Variants in SH3BGRL2 observed in about 807,000 individuals in gnomAD.
SH3BGRL2 encodes SH3 domain binding glutamate rich protein like 2.
In SH3BGRL2, 21 loss-of-function variants were observed where a neutral mutation model predicts 14.8. The ratio of observed to expected loss-of-function variants is 1.42; its 90% CI spans 1.01 to 2.05. SH3BGRL2 has a LOEUF of 2.05. Among genes scored for constraint, SH3BGRL2 ranks in the 30% most tolerant of loss-of-function variants. The probability of loss-of-function intolerance (pLI) is 0.00; values close to 1 mark genes in which losing one functional copy is unlikely to be tolerated. For synonymous variants in SH3BGRL2, 50 were observed against 47.8 expected, an observed-to-expected ratio of 1.05 and a Z score of -0.19; for missense variants, 147 against 130.8, an observed-to-expected ratio of 1.12 and a Z score of -0.61.
intron 1 of SH3BGRL2, among the ~76,000 whole-genome samples, chr6:79,643,343 A>G (rs563093620): frequency 1.1e-3 from 160 of 152,266 alleles, no homozygotes; most frequent in African/African-American, 3.6e-3. Context: ...GGGTTGTGCT[A>G]TCGCAACAAG....
chr6:79,699,463 C>CTTTTTTTTTTTT, intron 3 of SH3BGRL2, 35 bp from the exon 4 acceptor site: 9 of 879,620 alleles, frequency 1.0e-5, no homozygotes, highest in Non-Finnish European at 1.2e-5. Context: ...CAATAACTGA[C>CTTTTTTTTTTTT]TTTTTTTTTT....
intron 2 of SH3BGRL2, among the ~76,000 whole-genome samples, chr6:79,676,276 C>T (rs1769880632): frequency 6.6e-6 from 1 of 152,070 alleles, no homozygotes; most frequent in African/African-American, 2.4e-5. Context: ...ATCCCTGAGG[C>T]CATGTTTATT....
At chr6:79,668,077 C>T (rs887142145) in intron 1 of SH3BGRL2, among the ~76,000 whole-genome samples, 6 of 152,158 alleles carry the variant, frequency 3.9e-5, no homozygotes, top group Middle Eastern at 3.2e-3. Context: ...TCCCATGGTG[C>T]AGCATCAGCT....
At chr6:79,562,139 C>G in the SH3BGRL2 span, among the ~76,000 whole-genome samples, 1 of 151,958 alleles carries the variant, frequency 6.6e-6, no homozygotes, top group Non-Finnish European at 1.5e-5. Flanking sequence ...GTTTCTGTAC[C>G]TTCTCACAAA....
chr6:79,648,463 C>T (rs1376160157), intron 1 of SH3BGRL2, among the ~76,000 whole-genome samples: 1 of 150,944 alleles, frequency 6.6e-6, no homozygotes, highest in Non-Finnish European at 1.5e-5. Context: ...CTCATTTCTT[C>T]AAAGCCAGTG....
intron 1 of SH3BGRL2, among the ~76,000 whole-genome samples, chr6:79,664,707 T>C (rs1769621452): frequency 6.6e-6 from 1 of 152,232 alleles, no homozygotes; most frequent in Non-Finnish European, 1.5e-5. Context: ...AACAGTTTGA[T>C]AGTTGAAATC....
the SH3BGRL2 span, among the ~76,000 whole-genome samples, chr6:79,576,945 T>A: frequency 6.6e-6 from 1 of 152,208 alleles, no homozygotes; most frequent in Non-Finnish European, 1.5e-5. Context: ...GTGTTGCATG[T>A]CTCAGTGTAC....
the SH3BGRL2 span, among the ~76,000 whole-genome samples, chr6:79,577,160 T>C: frequency 6.6e-6 from 1 of 152,228 alleles, no homozygotes; most frequent in South Asian, 2.1e-4. Flanking sequence ...TCCCACTGAA[T>C]TGCCCTGGAA....
intron 1 of SH3BGRL2, among the ~76,000 whole-genome samples, chr6:79,634,891 G>A (rs1768893829): frequency 2.6e-5 from 4 of 152,162 alleles, no homozygotes; most frequent in Admixed American, 2.6e-4. Flanking sequence ...CAGATGGCAG[G>A]GAGAGGAACT....
chr6:79,636,971 G>T (rs1768936731), intron 1 of SH3BGRL2, among the ~76,000 whole-genome samples: 1 of 151,984 alleles, frequency 6.6e-6, no homozygotes, highest in Non-Finnish European at 1.5e-5. Flanking sequence ...GTATCTTTTG[G>T]GTGAGACATA....
At chr6:79,605,974 A>G in the SH3BGRL2 span, among the ~76,000 whole-genome samples, 1 of 152,224 alleles carries the variant, frequency 6.6e-6, no homozygotes, top group East Asian at 1.9e-4. Flanking sequence ...ATTTCCAATG[A>G]AAATAATCCA....
the SH3BGRL2 span, among the ~76,000 whole-genome samples, chr6:79,585,971 G>A: frequency 2.8e-4 from 42 of 151,762 alleles, no homozygotes; most frequent in Admixed American, 5.2e-4. Flanking sequence ...CGAGGCAGGC[G>A]GATCACCTGA....
At chr6:79,613,660 G>C in the SH3BGRL2 span, among the ~76,000 whole-genome samples, 83 of 152,084 alleles carry the variant, frequency 5.5e-4, 2 homozygotes, top group Middle Eastern at 3.4e-3. Flanking sequence ...GCCAAGGCTG[G>C]AGTGCAGTGC....
intron 1 of SH3BGRL2, among the ~76,000 whole-genome samples, chr6:79,653,440 A>G (rs1353607265): frequency 2.6e-5 from 4 of 152,232 alleles, no homozygotes; most frequent in African/African-American, 9.6e-5. Flanking sequence ...TATAATTTAT[A>G]TATTTTAGAA....
intron 1 of SH3BGRL2, among the ~76,000 whole-genome samples, chr6:79,651,078 C>T (rs528464922): frequency 1.3e-5 from 2 of 152,184 alleles, no homozygotes; most frequent in East Asian, 3.9e-4. Flanking sequence ...TGAGGACTGA[C>T]TGATACAGAA....
At chr6:79,602,440 A>G in the SH3BGRL2 span, among the ~76,000 whole-genome samples, 1 of 152,230 alleles carries the variant, frequency 6.6e-6, no homozygotes, top group Non-Finnish European at 1.5e-5. Context: ...AAGTATTCCT[A>G]CGAAAGATCT....
chr6:79,690,902 C>A (rs972996891), intron 2 of SH3BGRL2, among the ~76,000 whole-genome samples: 2 of 152,170 alleles, frequency 1.3e-5, no homozygotes, highest in African/African-American at 4.8e-5. Context: ...TAGGTGGTCT[C>A]TTTGTAGAGG....
At chr6:79,590,424 G>GATATCT in the SH3BGRL2 span, among the ~76,000 whole-genome samples, 5 of 66,666 alleles carry the variant, frequency 7.5e-5, no homozygotes, top group African/African-American at 3.5e-4. Flanking sequence ...AAGAAAATGT[G>GATATCT]ATATATATAT....
upstream of SH3BGRL2, among the ~76,000 whole-genome samples, chr6:79,628,361 A>T (rs1356775996): frequency 6.6e-6 from 1 of 151,834 alleles, no homozygotes; most frequent in Non-Finnish European, 1.5e-5. Context: ...CAAAAAAAAA[A>T]GGTCAAGAAC....
Sources: gnomAD v4.1 joint callset for allele counts (sites outside exome capture counted in the v4.1 genomes callset) on GRCh38, gnomAD v4.1.1 for gene constraint, MANE v1.5 for transcripts, NCBI Gene and HGNC (gene_info 2026-07-23, HGNC 2026-07-21) for gene names.